Variants in CNTN5 observed in about 807,000 individuals in gnomAD.
CNTN5 encodes contactin-5.
CNTN5 carries 77 observed loss-of-function variants against 129.1 expected under a neutral mutation model. That is an observed-to-expected ratio of 0.60 (90% CI 0.50 to 0.72). The LOEUF is 0.72. CNTN5 is among the 30% of genes least tolerant of loss of function. CNTN5 has a pLI of 0.00. For missense variants in CNTN5, 1,478 were observed against 1,328.8 expected, an observed-to-expected ratio of 1.11 and a Z score of -1.75; for synonymous variants, 509 against 465.6, an observed-to-expected ratio of 1.09 and a Z score of -1.20.
chr11:100,173,224 C>T (rs1947873179), intron 13 of CNTN5, among the ~76,000 whole-genome samples: 1 of 152,056 alleles, frequency 6.6e-6, no homozygotes, highest in Non-Finnish European at 1.5e-5. Flanking sequence ...TTCCTCACCC[C>T]TTTACATATG....
intron 1 of CNTN5, among the ~76,000 whole-genome samples, chr11:99,299,023 A>G (rs190910130): frequency 6.6e-6 from 1 of 152,304 alleles, no homozygotes; most frequent in Admixed American, 6.5e-5. Flanking sequence ...TCTTGGGTTT[A>G]TTCTCCAAAA....
intron 6 of CNTN5, among the ~76,000 whole-genome samples, chr11:99,871,049 G>A (rs1165555419): frequency 6.6e-6 from 1 of 151,946 alleles, no homozygotes; most frequent in East Asian, 1.9e-4. Flanking sequence ...TTTGTAAGTA[G>A]CAATTTACTA....
chr11:99,565,296 A>T (rs548380594), intron 3 of CNTN5, among the ~76,000 whole-genome samples: 1 of 152,270 alleles, frequency 6.6e-6, no homozygotes, highest in East Asian at 1.9e-4. Context: ...TCCAAAAGAA[A>T]TGCAATTGTC....
Position 99,493,615 on chromosome 11 carries a change from CA to C in CNTN5, c.-70-62523del, listed in dbSNP as rs1232937418. Among the ~76,000 whole-genome samples the C allele has an allele frequency of 4.0e-5, 6 of 151,638 alleles. 1 individual carries two copies. Among genetic ancestry groups the C allele is most frequent in the Admixed American group, 3.9e-4 (6 of 15,226 alleles). The stretch of plus-strand genomic sequence containing the variant: ...ACAAATTCCGGTTCTAGTGCAGGTT[CA>C]AAAAAACAAATACATATATAATATG... On this transcript the variant is annotated intron_variant, in intron 2 of 24. Transcript: ENST00000524871.
At position 99,819,704 on chromosome 11, in the gene CNTN5, A is replaced by G. The variant is rs1166199044; in HGVS notation, c.216A>G (p.Ala72=). The change falls in exon 4 of 25, where the codon GCA becomes GCG. Residue 72 remains alanine (A), a synonymous_variant. Transcript: ENST00000524871. ...LSASSPSWLG[A]AQNYYSPINL... ...CTTCTTCACCCAGCTGGCTAGGGGC[A>G]GCTCAGAATTATTATTCCCCCATCA... 3.7e-6 allele frequency: 6 copies of G among 1,612,604 alleles called. No individual in the cohort carries two copies. The East Asian group carries it at 1.3e-4, about 36-fold the overall frequency.
chr11:99,467,411 G>T (rs956570492), intron 2 of CNTN5, among the ~76,000 whole-genome samples: 7 of 152,042 alleles, frequency 4.6e-5, no homozygotes, highest in Non-Finnish European at 1.0e-4. Context: ...TTTCTCCTAT[G>T]GTGCTAGTTA....
intron 1 of CNTN5, among the ~76,000 whole-genome samples, chr11:99,292,651 ATTTTATTT>A (rs1197278355): frequency 6.6e-6 from 1 of 152,050 alleles, no homozygotes; most frequent in Non-Finnish European, 1.5e-5. Flanking sequence ...CTCTTTTTAA[ATTTTATTT>A]TTTTATTTTT....
intron 2 of CNTN5, among the ~76,000 whole-genome samples, chr11:99,431,838 C>T (rs145980681): frequency 0.01 from 1,554 of 151,952 alleles, 31 homozygotes; most frequent in African/African-American, 0.035. Flanking sequence ...AAAGCAGAAA[C>T]GGGCTGGAGG....
intron 3 of CNTN5, among the ~76,000 whole-genome samples, chr11:99,626,458 C>G (rs567085306): frequency 6.6e-6 from 1 of 152,138 alleles, no homozygotes; most frequent in African/African-American, 2.4e-5. Flanking sequence ...GCTGAAATGC[C>G]TCTTCTTTAC....
At chr11:100,339,428 G>A (rs1373353140) in intron 21 of CNTN5, among the ~76,000 whole-genome samples, 3 of 152,108 alleles carry the variant, frequency 2.0e-5, no homozygotes, top group Non-Finnish European at 4.4e-5. Context: ...CCTCTGAAGT[G>A]CAGCCCTCTC....
chr11:99,792,302 A>G (rs1945773994), intron 3 of CNTN5, among the ~76,000 whole-genome samples: 1 of 152,136 alleles, frequency 6.6e-6, no homozygotes, highest in Admixed American at 6.5e-5. Context: ...AGTTTTTAAT[A>G]GGAAGGGATG....
At chr11:99,654,510 G>C (rs746568919) in intron 3 of CNTN5, among the ~76,000 whole-genome samples, 1 of 151,968 alleles carries the variant, frequency 6.6e-6, no homozygotes, top group Non-Finnish European at 1.5e-5. Flanking sequence ...GATATGAAAT[G>C]GTCCTTCAGA....
intron 1 of CNTN5, among the ~76,000 whole-genome samples, chr11:99,025,010 G>A (rs1488231793): frequency 6.6e-6 from 1 of 151,798 alleles, no homozygotes; most frequent in East Asian, 1.9e-4. Flanking sequence ...TTTCTAAGTG[G>A]TTCTTAAAAA....
rs147551811 is a variant in CNTN5, at chr11:99,788,841, T to C, written c.56-30703T>C. ...TTCAATTCTGAAAAAATCTATTTTA[T>C]ATACGGGGAATGCTTTTTATTAAGG... On this transcript the variant is annotated intron_variant, in intron 3 of 24. Coordinates refer to ENST00000524871, the MANE Select transcript of CNTN5 (RefSeq NM_014361.4). Among the ~76,000 whole-genome samples, 405 of 152,052 alleles carry C rather than the reference T, an allele frequency of 2.7e-3. 8 individuals are homozygous for C. In the East Asian group the frequency reaches 0.042, roughly 16 times the overall value.
chr11:99,190,794 C>T (rs1858599297), intron 1 of CNTN5, among the ~76,000 whole-genome samples: 1 of 151,240 alleles, frequency 6.6e-6, no homozygotes, highest in Non-Finnish European at 1.5e-5. Context: ...TTGGTGGAGT[C>T]TTTAGGGATT....
intron 6 of CNTN5, among the ~76,000 whole-genome samples, chr11:99,873,108 C>A (rs1468348017): frequency 6.6e-6 from 1 of 151,910 alleles, no homozygotes; most frequent in Non-Finnish European, 1.5e-5. Context: ...CAGGCAGGAG[C>A]TAGAATTTCG....
intron 3 of CNTN5, among the ~76,000 whole-genome samples, chr11:99,642,053 T>C (rs1211816201): frequency 6.6e-6 from 1 of 152,154 alleles, no homozygotes; most frequent in Non-Finnish European, 1.5e-5. Context: ...TCAAGCATCC[T>C]TTTCTGGGAT....
intron 2 of CNTN5, among the ~76,000 whole-genome samples, chr11:99,416,909 CAT>C (rs973590848): frequency 1.8e-4 from 28 of 152,258 alleles, no homozygotes; most frequent in African/African-American, 6.5e-4. Context: ...GTTACTTACT[CAT>C]ATCAGGACTC....
intron 1 of CNTN5, among the ~76,000 whole-genome samples, chr11:99,188,821 A>G (rs937819975): frequency 1.3e-5 from 2 of 151,794 alleles, no homozygotes; most frequent in Non-Finnish European, 3.0e-5. Flanking sequence ...GTTAATTAGC[A>G]TATGCATTAA....
Sources: gnomAD v4.1 joint callset for allele counts (sites outside exome capture counted in the v4.1 genomes callset) on GRCh38, gnomAD v4.1.1 for gene constraint, MANE v1.5 for transcripts, NCBI Gene and HGNC (gene_info 2026-07-23, HGNC 2026-07-21) for gene names.